The following ARNT2 variants were observed in gnomAD, a reference collection of about 807,000 sequenced individuals.
ARNT2 encodes ARNT protein 2.
In ARNT2, 36 loss-of-function variants were observed where a neutral mutation model predicts 91.7. The observed-to-expected ratio is 0.39, with a 90% CI of 0.30 to 0.52. ARNT2 has a LOEUF of 0.52. ARNT2 is among the 20% of genes least tolerant of loss of function. The pLI, the probability that ARNT2 is intolerant of heterozygous loss-of-function variation, is 0.72. For synonymous variants in ARNT2, 365 were observed against 347.1 expected (o/e 1.05, Z -0.57); for missense variants, 775 against 939.3 (o/e 0.83, Z 2.29).
At chr15:80,411,327 A>T (rs1895677764) in intron 1 of ARNT2, among the ~76,000 whole-genome samples, 1 of 152,144 alleles carries the variant, frequency 6.6e-6, no homozygotes, top group Admixed American at 6.5e-5. Context: ...CACCTACCAT[A>T]TTGCTTCCCA....
rs747169199 is a variant in ARNT2 at position 80,563,169 on chromosome 15, A to G, written c.1246A>G (p.Ser416Gly). 6 of 1,614,062 alleles carry G rather than the reference A, an allele frequency of 3.7e-6. No homozygotes were observed. The highest frequency in any genetic ancestry group is 5.1e-6 in the Non-Finnish European group (6 of 1,180,028). ...KNREWMLIRT[S>G]SFTFQNPYSD... Reference sequence around the variant, plus strand: ...CCGGGAGTGGATGTTGATCCGCACCAGCAGCTTCACATTCCAGAATCCCTA... The same window carrying G: ...CCGGGAGTGGATGTTGATCCGCACCGGCAGCTTCACATTCCAGAATCCCTA... The change falls in exon 12 of 19, where the codon AGC (serine) becomes GGC (glycine). Residue 416 changes from serine (S) to glycine (G), a missense_variant. Ser to Gly is a moderately conservative substitution (Grantham distance 56). Transcript: ENST00000303329.
At chr15:80,443,753 A>G (rs1896233049) in intron 1 of ARNT2, among the ~76,000 whole-genome samples, 1 of 152,132 alleles carries the variant, frequency 6.6e-6, no homozygotes, top group Non-Finnish European at 1.5e-5. Context: ...AGGGGGCCAC[A>G]TCCCCATAGA....
At chr15:80,485,006 C>A (rs1385976890) in intron 5 of ARNT2, among the ~76,000 whole-genome samples, 1 of 152,194 alleles carries the variant, frequency 6.6e-6, no homozygotes, top group Non-Finnish European at 1.5e-5. Flanking sequence ...TGCTTTGAAG[C>A]AGGCATTCAA....
intron 12 of ARNT2, among the ~76,000 whole-genome samples, chr15:80,565,538 G>GTTTT (rs537342917): frequency 1.4e-5 from 2 of 140,892 alleles, no homozygotes; most frequent in East Asian, 4.0e-4. Context: ...TTTTGTTATT[G>GTTTT]TTTTTTTTTT....
chr15:80,534,510 AT>A (rs1324662712), intron 8 of ARNT2, among the ~76,000 whole-genome samples: 1 of 152,212 alleles, frequency 6.6e-6, no homozygotes, highest in Non-Finnish European at 1.5e-5. Context: ...AATTGACAAT[AT>A]TCTAGCACTT....
chr15:80,461,019 C>T (rs552689029), intron 3 of ARNT2, among the ~76,000 whole-genome samples: 4 of 152,104 alleles, frequency 2.6e-5, no homozygotes, highest in Non-Finnish European at 4.4e-5. Context: ...TCGTGGCTTC[C>T]ATTGTCTTGA....
chr15:80,419,717 A>G (rs1314198433), intron 1 of ARNT2, among the ~76,000 whole-genome samples: 1 of 152,210 alleles, frequency 6.6e-6, no homozygotes, highest in African/African-American at 2.4e-5. Flanking sequence ...TTGGCATGAA[A>G]GCACCTCTCA....
chr15:80,439,477 C>G (rs1485590330), intron 1 of ARNT2, among the ~76,000 whole-genome samples: 3 of 152,082 alleles, frequency 2.0e-5, no homozygotes, highest in Non-Finnish European at 4.4e-5. Flanking sequence ...TTGATGGGTC[C>G]CTGATAAATA....
intron 8 of ARNT2, among the ~76,000 whole-genome samples, chr15:80,532,565 C>T (rs544626171): frequency 2.6e-5 from 4 of 152,196 alleles, no homozygotes; most frequent in Non-Finnish European, 5.9e-5. Flanking sequence ...GCATGCTTTG[C>T]TCCATGTGCT....
At position 80,595,094 on chromosome 15, in the gene ARNT2, C is replaced by G. The variant is rs945601460; in HGVS notation, c.*1396C>G. On this transcript the variant is annotated 3_prime_UTR_variant, in exon 19 of 19. Coordinates refer to ENST00000303329, the MANE Select transcript of ARNT2 (RefSeq NM_014862.4). ...GAGGAGAGTTTATGAATCCATCCCC[C>G]TGTTTTCAGGGACCTCTGCCTTCTC... The G allele has an allele frequency of 2.0e-5, 3 of 152,352 alleles. No homozygotes were observed. The highest frequency in any genetic ancestry group is 7.2e-5 in the African/African-American group (3 of 41,450). The allele number at this position is 152,352 out of a possible 1,614,324, so 9.4% of individuals were successfully genotyped here.
chr15:80,586,548 C>T (rs1442430183), intron 17 of ARNT2, among the ~76,000 whole-genome samples: 1 of 152,138 alleles, frequency 6.6e-6, no homozygotes, highest in Non-Finnish European at 1.5e-5. Flanking sequence ...CCCATACTCA[C>T]TTTGGAGAGG....
At chr15:80,487,065 T>A (rs1034278991) in intron 5 of ARNT2, among the ~76,000 whole-genome samples, 28 of 152,208 alleles carry the variant, frequency 1.8e-4, no homozygotes, top group African/African-American at 5.5e-4. Flanking sequence ...TCTCCACACC[T>A]CCCTGATATG....
At chr15:80,552,544 A>C in intron 9 of ARNT2, 96 bp from the exon 10 acceptor site, 1 of 1,440,926 alleles carries the variant, frequency 6.9e-7, no homozygotes, top group South Asian at 1.3e-5. Context: ...AGGATCTTTG[A>C]AGTGAAATGC....
chr15:80,421,712 GT>G, intron 1 of ARNT2, among the ~76,000 whole-genome samples: 1 of 152,214 alleles, frequency 6.6e-6, no homozygotes, highest in Non-Finnish European at 1.5e-5. Flanking sequence ...CTCATCATTT[GT>G]TTTGAGGAAG....
In ARNT2 at chr15:80,414,132, A is replaced by G. The variant is rs148191290; in HGVS notation, c.31+9586A>G. Among the ~76,000 whole-genome samples the G allele has an allele frequency of 2.6e-3, 389 of 152,320 alleles. 1 individual carries two copies. Among genetic ancestry groups the G allele is most frequent in the Middle Eastern group, 0.014 (4 of 294 alleles). ...ATAGACCTCTAAGTTGGGTGGCAGG[A>G]CATGTGAGAAACCTGGGCACAGAGG... is the stretch of plus-strand genomic sequence containing the variant. On this transcript the variant is annotated intron_variant, in intron 1 of 18. Transcript: ENST00000303329.
At chr15:80,563,842 G>T (rs1262714283) in intron 12 of ARNT2, among the ~76,000 whole-genome samples, 1 of 152,186 alleles carries the variant, frequency 6.6e-6, no homozygotes, top group Non-Finnish European at 1.5e-5. Flanking sequence ...TCCTGGCTGT[G>T]CGTCCTTGAA....
chr15:80,581,549 A>G (rs1268024035), intron 17 of ARNT2, 145 bp downstream of exon 17: 8 of 1,042,844 alleles, frequency 7.7e-6, no homozygotes, highest in Middle Eastern at 4.7e-4. Context: ...CTCTCTGGCT[A>G]TGAGGAGGCC....
intron 17 of ARNT2, among the ~76,000 whole-genome samples, chr15:80,581,720 A>C (rs547419460): frequency 7.2e-5 from 11 of 152,348 alleles, no homozygotes; most frequent in African/African-American, 2.6e-4. Flanking sequence ...CCAAGTCAAA[A>C]ACCTTATAGT....
chr15:80,467,316 A>G (rs1412169620), intron 3 of ARNT2, among the ~76,000 whole-genome samples: 2 of 152,214 alleles, frequency 1.3e-5, no homozygotes, highest in Non-Finnish European at 1.5e-5. Context: ...AAGAGCTTTG[A>G]CACAGATGGA....
Sources: gnomAD v4.1 joint callset for allele counts (sites outside exome capture counted in the v4.1 genomes callset) on GRCh38, gnomAD v4.1.1 for gene constraint, MANE v1.5 for transcripts, NCBI Gene and HGNC (gene_info 2026-07-23, HGNC 2026-07-21) for gene names.